Variants in LACTBL1 observed in about 807,000 individuals in gnomAD.
LACTBL1 encodes beta-lactamase-like protein 1.
Under a neutral mutation model 39.6 loss-of-function variants are expected in LACTBL1, and 29 were observed. The ratio of observed to expected loss-of-function variants is 0.73; its 90% CI spans 0.55 to 1.00. LACTBL1 has a LOEUF of 1.00. Among genes scored for constraint, LACTBL1 ranks in the 50% least tolerant of loss-of-function variants. The pLI, the probability that LACTBL1 is intolerant of heterozygous loss-of-function variation, is 0.00. For missense variants in LACTBL1, 711 were observed against 748.5 expected (o/e 0.95, Z 0.59); for synonymous variants, 361 against 360.7 (o/e 1.00, Z -0.01).
intron 2 of LACTBL1, among the ~76,000 whole-genome samples, chr1:22,961,400 G>A (rs1640821139): frequency 6.6e-6 from 1 of 152,142 alleles, no homozygotes; most frequent in Non-Finnish European, 1.5e-5. Context: ...GTCTCGCTCT[G>A]TCACCCAGGC....
intron 3 of LACTBL1, 80 bp downstream of exon 5, chr1:22,959,862 T>G (rs1640801575): frequency 6.8e-7 from 1 of 1,480,694 alleles, no homozygotes; most frequent in African/African-American, 1.4e-5. Context: ...ATGATTCTCT[T>G]CAGTATCCTT....
chr1:22,972,578 C>T, the LACTBL1 span: 140 of 301,588 alleles, frequency 4.6e-4, no homozygotes, highest in Non-Finnish European at 6.1e-4. Context: ...CCAGGTGACC[C>T]GGCATCCCAG....
chr1:22,955,375 T>C, exon 5 of LACTBL1: 1 of 1,550,422 alleles, frequency 6.4e-7, no homozygotes, highest in Admixed American at 2.0e-5. Flanking sequence ...CAGGGCCTCC[T>C]GGGTGCTGCC....
intron 5 of LACTBL1, among the ~76,000 whole-genome samples, chr1:22,955,078 T>A (rs1348539191): frequency 6.6e-6 from 1 of 152,192 alleles, no homozygotes; most frequent in Non-Finnish European, 1.5e-5. Context: ...GCAAAGTAGG[T>A]GCTCAATAAA....
upstream of LACTBL1, chr1:22,965,478 A>C: frequency 8.2e-7 from 1 of 1,220,362 alleles, no homozygotes; most frequent in Non-Finnish European, 1.0e-6. Context: ...GTCAGAGGGA[A>C]GAGAGGGACC....
upstream of LACTBL1, among the ~76,000 whole-genome samples, chr1:22,969,086 C>A (rs1273024856): frequency 6.6e-6 from 1 of 152,140 alleles, no homozygotes; most frequent in Non-Finnish European, 1.5e-5. Context: ...CCAACTATTA[C>A]AGTATTTTTG....
At chr1:22,963,334 C>T (rs1318142142) in intron 1 of LACTBL1, 118 bp from the exon 4 acceptor site, 11 of 503,528 alleles carry the variant, frequency 2.2e-5, no homozygotes, top group Non-Finnish European at 3.3e-5. Flanking sequence ...CCGAGCCGAG[C>T]CGGGGGATAT....
chr1:22,957,640 C>CTTTTTT (rs34603019), intron 4 of LACTBL1, among the ~76,000 whole-genome samples: 2 of 56,682 alleles, frequency 3.5e-5, no homozygotes, highest in African/African-American at 7.6e-5. Context: ...TCTTAATATT[C>CTTTTTT]TTTTTTTTTT....
chr1:22,953,291 G>GCAC, exon 6 of LACTBL1: 1 of 1,226,658 alleles, frequency 8.2e-7, no homozygotes, highest in Admixed American at 4.2e-5. Flanking sequence ...AACGCTGGAG[G>GCAC]CACCAGCGCC....
chr1:22,954,647 G>T (rs1640743726), intron 5 of LACTBL1, among the ~76,000 whole-genome samples: 1 of 152,158 alleles, frequency 6.6e-6, no homozygotes, highest in Non-Finnish European at 1.5e-5. Flanking sequence ...ACCACCCAAG[G>T]TCACATTGCC....
At chr1:22,953,660 C>T (rs1194963190) in exon 6 of LACTBL1, 1 of 1,271,990 alleles carries the variant, frequency 7.9e-7, no homozygotes, top group Non-Finnish European at 9.9e-7. Flanking sequence ...GTCTCGTTGG[C>T]GAAGTAGGCG....
At chr1:22,953,729 G>A (rs1474515794) in exon 6 of LACTBL1, 8 of 1,345,036 alleles carry the variant, frequency 5.9e-6, no homozygotes, top group East Asian at 3.1e-5. Flanking sequence ...CGCAGGAGCC[G>A]CCGGGGCCCG....
intron 4 of LACTBL1, 76 bp from the exon 7 acceptor site, chr1:22,955,502 C>T (rs1044781669): frequency 3.3e-6 from 3 of 895,632 alleles, no homozygotes; most frequent in Non-Finnish European, 5.2e-6. Context: ...CACTCCCTCC[C>T]CACCTTCCGT....
intron 2 of LACTBL1, among the ~76,000 whole-genome samples, chr1:22,962,603 A>C (rs1055874693): frequency 6.6e-6 from 1 of 151,746 alleles, no homozygotes; most frequent in Admixed American, 6.6e-5. Flanking sequence ...CAGCTTCCCT[A>C]CTTCCCACCT....
the LACTBL1 span, among the ~76,000 whole-genome samples, chr1:22,970,578 CA>C: frequency 1.3e-5 from 2 of 152,024 alleles, no homozygotes; most frequent in African/African-American, 4.8e-5. Flanking sequence ...GAGGCCGAGG[CA>C]GGAGGATCAC....
chr1:22,970,460 T>C, the LACTBL1 span, among the ~76,000 whole-genome samples: 2 of 152,140 alleles, frequency 1.3e-5, no homozygotes, highest in Non-Finnish European at 2.9e-5. Context: ...TGAGGTAGAC[T>C]ACAAAAGAGC....
At chr1:22,956,360 G>A (rs1213682265) in intron 4 of LACTBL1, among the ~76,000 whole-genome samples, 5 of 152,084 alleles carry the variant, frequency 3.3e-5, no homozygotes, top group Admixed American at 3.3e-4. Flanking sequence ...AACAGAGTGA[G>A]ACCCTGCCAA....
chr1:22,962,232 C>T (rs749076883), intron 2 of LACTBL1, among the ~76,000 whole-genome samples: 12 of 152,180 alleles, frequency 7.9e-5, no homozygotes, highest in Non-Finnish European at 1.3e-4. Context: ...TCTGCTCTCT[C>T]CCCTTCACAA....
At position 22,953,385 on chromosome 1, in the gene LACTBL1, G is replaced by A. The variant is rs903304204; in HGVS notation, c.1299C>T (p.Phe433=). 70 of 1,228,334 alleles carry A rather than the reference G, an allele frequency of 5.7e-5. No homozygotes were observed. In the African/African-American group the frequency reaches 9.5e-4, roughly 17 times the overall value. 76.1% of individuals were successfully genotyped at this position (1,228,334 alleles called of 1,614,324 possible). The change falls in exon 6 of 6, where the codon TTC becomes TTT. Residue 433 remains phenylalanine (F), a synonymous_variant. Transcript: ENST00000426928. ...CGTAGAAGGTCAGGTTGGCGAAGGT[G>A]AAGTAGCCGGCGAAGGGGTGCGCGG...
Sources: gnomAD v4.1 joint callset for allele counts (sites outside exome capture counted in the v4.1 genomes callset) on GRCh38, gnomAD v4.1.1 for gene constraint, MANE v1.5 for transcripts, NCBI Gene and HGNC (gene_info 2026-07-23, HGNC 2026-07-21) for gene names.